The following C8orf74 variants were observed in gnomAD, a reference collection of about 807,000 sequenced individuals.
C8orf74 encodes the protein uncharacterized protein C8orf74.
Under a neutral mutation model 22.2 loss-of-function variants are expected in C8orf74, and 29 were observed. The ratio of observed to expected loss-of-function variants is 1.31; its 90% CI spans 0.97 to 1.78. The LOEUF is 1.78. C8orf74 is among the 40% of genes most tolerant of loss of function. The pLI, the probability that C8orf74 is intolerant of heterozygous loss-of-function variation, is 0.00. For missense variants in C8orf74, 515 were observed against 369.9 expected (o/e 1.39, Z -3.22); for synonymous variants, 255 against 163.1 (o/e 1.56, Z -4.30).
At chr8:10,700,141 G>C (rs1270713886) in intron 3 of C8orf74, 94 bp from the exon 4 acceptor site, 1 of 790,864 alleles carries the variant, frequency 1.3e-6, no homozygotes. Context: ...ATGGACAGTG[G>C]ACACATTCTC....
chr8:10,691,113 G>T, intron 2 of C8orf74: 1 of 364,586 alleles, frequency 2.7e-6, no homozygotes, highest in Non-Finnish European at 5.5e-6. Flanking sequence ...CTTCCAACAA[G>T]CTTTGCTGAA....
chr8:10,683,112 A>C (rs946841571), intron 2 of C8orf74, among the ~76,000 whole-genome samples: 3 of 152,024 alleles, frequency 2.0e-5, no homozygotes, highest in Non-Finnish European at 4.4e-5. Context: ...AGCCCAGGAG[A>C]CCCCCATGGC....
At chr8:10,697,369 C>T (rs1244867308) in intron 2 of C8orf74, among the ~76,000 whole-genome samples, 2 of 151,726 alleles carry the variant, frequency 1.3e-5, no homozygotes, top group Admixed American at 1.3e-4. Context: ...TGGAAGTTGG[C>T]GGCTGCAGCG....
At chr8:10,693,064 C>T (rs1339140318) in intron 2 of C8orf74, 2 of 152,338 alleles carry the variant, frequency 1.3e-5, no homozygotes, top group African/African-American at 4.8e-5. Flanking sequence ...GGGAGTGGGA[C>T]CCCTGTAGGG....
At position 10,699,216 on chromosome 8, in the gene C8orf74, G is replaced by A. The variant is rs188238385; in HGVS notation, c.649-1019G>A. Among the ~76,000 whole-genome samples the A allele has an allele frequency of 2.6e-3, 390 of 152,234 alleles. 1 individual carries two copies. Among genetic ancestry groups the A allele is most frequent in the Non-Finnish European group, 4.1e-3 (282 of 68,016 alleles). On this transcript the variant is annotated intron_variant, in intron 3 of 3. Coordinates refer to ENST00000304519, the MANE Select transcript of C8orf74 (RefSeq NM_001040032.2). ...TCCTGCCTGCTCCTCCCAGCTCGCC[G>A]CCCAGCCTCCAGCATGGCACTGCTG...
intron 2 of C8orf74, among the ~76,000 whole-genome samples, chr8:10,681,097 C>T (rs1799138833): frequency 6.6e-6 from 1 of 151,748 alleles, no homozygotes; most frequent in Admixed American, 6.6e-5. Context: ...GTTTGCACAG[C>T]AGTGATTCAG....
intron 2 of C8orf74, chr8:10,692,684 T>A (rs990090875): frequency 6.6e-6 from 1 of 151,658 alleles, no homozygotes; most frequent in African/African-American, 2.4e-5. Flanking sequence ...TTTTTTTTTT[T>A]ATAGTGTTCG....
chr8:10,697,801 C>A lies in C8orf74; in HGVS notation c.444C>A (p.Pro148=), dbSNP rs1799558932. 6.2e-7 allele frequency: 1 copy of A among 1,613,888 alleles called. No individual in the cohort carries two copies. The highest frequency in any genetic ancestry group is 8.5e-7 in the Non-Finnish European group (1 of 1,179,898). Residue 148 remains proline (P), a synonymous_variant, in exon 3 of 4, where the codon CCC becomes CCA. Transcript: ENST00000304519. The part of the protein sequence containing the change: ...TVAHLEVCMP[P]HPLPLAEGMD... ...CCCACCTGGAGGTGTGCATGCCACC[C>A]CATCCCCTCCCGCTGGCCGAGGGCA...
chr8:10,676,071 G>C (rs1206561037), intron 2 of C8orf74, among the ~76,000 whole-genome samples: 1 of 152,094 alleles, frequency 6.6e-6, no homozygotes, highest in Admixed American at 6.5e-5. Context: ...TGCTTCGGTG[G>C]GGTGTGTAGG....
chr8:10,678,832 G>A lies in C8orf74; in HGVS notation c.241+3994G>A, dbSNP rs143859793. Among the ~76,000 whole-genome samples the A allele has an allele frequency of 2.8e-4, 42 of 152,266 alleles. No homozygotes were observed. The East Asian group carries it at 5.1e-3, about 18-fold the overall frequency. ...GGCCTCCTGCACCTCGGCTCACCACGGTGCCATTCAGGATGGTGCCTGCTG... is the reference window on the plus strand; with the variant it reads ...GGCCTCCTGCACCTCGGCTCACCACAGTGCCATTCAGGATGGTGCCTGCTG... On this transcript the variant is annotated intron_variant, in intron 2 of 3. Coordinates refer to ENST00000304519, the MANE Select transcript of C8orf74 (RefSeq NM_001040032.2).
At chr8:10,680,091 C>A (rs1799117057) in intron 2 of C8orf74, 2 of 152,288 alleles carry the variant, frequency 1.3e-5, no homozygotes, top group South Asian at 4.1e-4. Flanking sequence ...TGAGTCAATT[C>A]CCGATGCCCA....
At position 10,687,316 on chromosome 8, in the gene C8orf74, T is replaced by C. The variant is rs574390252; in HGVS notation, c.242-10283T>C. 20 of 323,618 alleles carry C rather than the reference T, an allele frequency of 6.2e-5. 2 individuals carry two copies. The highest frequency in any genetic ancestry group is 4.8e-4 in the South Asian group (20 of 41,570). 20.0% of individuals were successfully genotyped at this position (323,618 alleles called of 1,614,324 possible). On this transcript the variant is annotated intron_variant, in intron 2 of 3. Coordinates refer to ENST00000304519, the MANE Select transcript of C8orf74 (RefSeq NM_001040032.2). ...TGTCTCTTATACCATGGAATCAATA[T>C]ATGCAATGGTTTTTATTAAAAGTCT...
chr8:10,672,761 G>C, intron 1 of C8orf74, 48 bp downstream of exon 1: 1 of 1,515,130 alleles, frequency 6.6e-7, no homozygotes. Context: ...GGCTCATCCT[G>C]GGCACATAGG....
intron 2 of C8orf74, among the ~76,000 whole-genome samples, chr8:10,690,623 C>T (rs1482526830): frequency 6.6e-6 from 1 of 152,138 alleles, no homozygotes; most frequent in Non-Finnish European, 1.5e-5. Flanking sequence ...AGTCCACCCG[C>T]TCAGGCACAC....
At chr8:10,693,220 G>A (rs1436720582) in intron 2 of C8orf74, among the ~76,000 whole-genome samples, 1 of 152,164 alleles carries the variant, frequency 6.6e-6, no homozygotes, top group Non-Finnish European at 1.5e-5. Flanking sequence ...TTCAACCACA[G>A]GGCCTTTGCA....
intron 2 of C8orf74, among the ~76,000 whole-genome samples, chr8:10,685,256 T>C (rs896276529): frequency 6.6e-6 from 1 of 152,202 alleles, no homozygotes; most frequent in Non-Finnish European, 1.5e-5. Flanking sequence ...AAAGCAACCA[T>C]GGAAGTGGCA....
chr8:10,692,686 T>A (rs1799406516), intron 2 of C8orf74: 1 of 151,502 alleles, frequency 6.6e-6, no homozygotes, highest in Admixed American at 6.6e-5. Context: ...TTTTTTTTTA[T>A]AGTGTTCGGG....
intron 2 of C8orf74, among the ~76,000 whole-genome samples, chr8:10,690,239 C>T (rs1367940389): frequency 6.6e-6 from 1 of 152,140 alleles, no homozygotes; most frequent in Admixed American, 6.5e-5. Context: ...GGGTTGGTAC[C>T]TGTGCCAGAC....
At chr8:10,677,998 C>T (rs1434215220) in intron 2 of C8orf74, among the ~76,000 whole-genome samples, 1 of 152,226 alleles carries the variant, frequency 6.6e-6, no homozygotes, top group Non-Finnish European at 1.5e-5. Context: ...TCTGCTCAGC[C>T]TTAATCCTGG....
Sources: gnomAD v4.1 joint callset for allele counts (sites outside exome capture counted in the v4.1 genomes callset) on GRCh38, gnomAD v4.1.1 for gene constraint, MANE v1.5 for transcripts, NCBI Gene and HGNC (gene_info 2026-07-23, HGNC 2026-07-21) for gene names.